The following BAZ1A variants were observed in gnomAD, a reference collection of about 807,000 sequenced individuals.
The protein encoded by BAZ1A is bromodomain adjacent to zinc finger domain 1A.
In BAZ1A, 50 loss-of-function variants were observed where a neutral mutation model predicts 185.2. The observed-to-expected ratio is 0.27, with a 90% CI of 0.22 to 0.34. The LOEUF (loss-of-function observed/expected upper bound fraction) is 0.34. Among genes scored for constraint, BAZ1A ranks in the 10% least tolerant of loss-of-function variants. The pLI is 1.00. For missense variants in BAZ1A, 1,356 were observed against 1,839.9 expected (o/e 0.74, Z 4.81); for synonymous variants, 571 against 615.6 (o/e 0.93, Z 1.07).
intron 21 of BAZ1A, among the ~76,000 whole-genome samples, chr14:34,766,483 G>A (rs1252061838): frequency 6.6e-6 from 1 of 151,974 alleles, no homozygotes; most frequent in African/African-American, 2.4e-5. Flanking sequence ...GAAACCTAGG[G>A]CCCATCAGGG....
chr14:34,794,952 T>A (rs1241538912), intron 10 of BAZ1A, 65 bp from the exon 11 acceptor site: 1 of 1,573,488 alleles, frequency 6.4e-7, no homozygotes, highest in East Asian at 2.2e-5. Flanking sequence ...AAGGCAGAGA[T>A]GACATACTTT....
chr14:34,806,779 C>T (rs1440781796), intron 6 of BAZ1A, among the ~76,000 whole-genome samples: 1 of 151,610 alleles, frequency 6.6e-6, no homozygotes, highest in Non-Finnish European at 1.5e-5. Context: ...GACAGGGTCT[C>T]ACTCTGTTGT....
chr14:34,871,633 G>C (rs1328182532), intron 2 of BAZ1A, among the ~76,000 whole-genome samples: 1 of 152,244 alleles, frequency 6.6e-6, no homozygotes, highest in Non-Finnish European at 1.5e-5. Context: ...AACACTTCGG[G>C]AGGCCGAGGC....
At chr14:34,770,248 G>C (rs1403077941) in intron 21 of BAZ1A, among the ~76,000 whole-genome samples, 2 of 152,178 alleles carry the variant, frequency 1.3e-5, no homozygotes, top group Admixed American at 6.5e-5. Flanking sequence ...CTGCCTCCCA[G>C]GTTCAAGCGA....
intron 17 of BAZ1A, among the ~76,000 whole-genome samples, chr14:34,778,436 T>C (rs551190787): frequency 6.6e-6 from 1 of 152,358 alleles, no homozygotes; most frequent in African/African-American, 2.4e-5. Flanking sequence ...TATTTTTTCG[T>C]TCTATTTCTT....
At chr14:34,854,366 G>C (rs367850682) in intron 3 of BAZ1A, among the ~76,000 whole-genome samples, 4 of 151,922 alleles carry the variant, frequency 2.6e-5, no homozygotes, top group Non-Finnish European at 5.9e-5. Context: ...AATCTGCAGT[G>C]AGCCGAGGTC....
At chr14:34,826,274 T>C in intron 3 of BAZ1A, 118 bp from the exon 4 acceptor site, 1 of 931,014 alleles carries the variant, frequency 1.1e-6, no homozygotes, top group Non-Finnish European at 1.5e-6. Flanking sequence ...TATAGCTGAT[T>C]GATTTAAACA....
chr14:34,862,721 C>T (rs1168577620), intron 2 of BAZ1A, among the ~76,000 whole-genome samples: 3 of 150,502 alleles, frequency 2.0e-5, no homozygotes, highest in African/African-American at 7.3e-5. Flanking sequence ...TAGAAAAATA[C>T]CTATTTTCAG....
chr14:34,840,392 T>A (rs923524597), intron 3 of BAZ1A, among the ~76,000 whole-genome samples: 1 of 152,172 alleles, frequency 6.6e-6, no homozygotes, highest in Non-Finnish European at 1.5e-5. Context: ...GTGATTTATG[T>A]ACATCAAAAT....
intron 21 of BAZ1A, among the ~76,000 whole-genome samples, chr14:34,767,724 A>T (rs1029665114): frequency 6.6e-6 from 1 of 152,178 alleles, no homozygotes; most frequent in Admixed American, 6.6e-5. Context: ...TAGTTCAAAG[A>T]TCATGATCCT....
rs372756364 is a variant in BAZ1A, at chr14:34,858,653, T to C, written c.392+3391A>G. Among the ~76,000 whole-genome samples, 8 of 152,038 alleles carry C rather than the reference T, an allele frequency of 5.3e-5. No individual in the cohort carries two copies. In the East Asian group the frequency reaches 1.4e-3, roughly 26 times the overall value. Reference sequence around the variant, plus strand: ...ATTTTTATCAAGAATGTTTTAAAAGTTGGGGCGAGGGTGGGGAGGCAAAAA... The same window carrying C: ...ATTTTTATCAAGAATGTTTTAAAAGCTGGGGCGAGGGTGGGGAGGCAAAAA... On this transcript the variant is annotated intron_variant, in intron 3 of 26. Coordinates refer to ENST00000360310, the MANE Select transcript of BAZ1A (RefSeq NM_013448.3).
rs1879603101 is a variant in BAZ1A, at chr14:34,776,334, A to C, written c.2418T>G (p.Gly806=). 8.7e-6 allele frequency: 14 copies of C among 1,614,136 alleles called. No individual in the cohort carries two copies. The highest frequency in any genetic ancestry group is 1.3e-5 in the African/African-American group (1 of 75,026). The change falls in exon 18 of 27, where the codon GGT becomes GGG. Residue 806 remains glycine, a synonymous_variant. Transcript: ENST00000360310. ...AGTATCGTCTATACATGCGGTCGCG[A>C]CCCAAGGGAAAGATATTGGTACAGG... ...AIACTNIFPL[G]RDRMYRRYWI...
intron 11 of BAZ1A, 51 bp from the exon 12 acceptor site, chr14:34,792,972 A>G (rs2138634965): frequency 1.3e-6 from 2 of 1,504,856 alleles, no homozygotes; most frequent in East Asian, 4.6e-5. Flanking sequence ...ATGTACTGAA[A>G]AAACAACTCC....
chr14:34,808,479 C>A (rs1029327899), intron 5 of BAZ1A, among the ~76,000 whole-genome samples: 2 of 151,950 alleles, frequency 1.3e-5, no homozygotes, highest in African/African-American at 4.8e-5. Flanking sequence ...GTCTCGGAGA[C>A]AGAGTGAGAC....
chr14:34,792,348 G>A (rs1287552107), intron 12 of BAZ1A, among the ~76,000 whole-genome samples: 2 of 151,326 alleles, frequency 1.3e-5, no homozygotes, highest in South Asian at 2.1e-4. Flanking sequence ...TCACGCCAAC[G>A]CACTCCAGCC....
Position 34,758,751 on chromosome 14 carries a change from G to A in BAZ1A, c.4339C>T (p.Arg1447Ter), listed in dbSNP as rs765397590. The change falls in exon 25 of 27, where the codon CGA (arginine) becomes TGA (stop). Residue 1447 changes from arginine (R) to a stop codon, truncating the protein, a stop_gained. Coordinates refer to ENST00000360310, the MANE Select transcript of BAZ1A (RefSeq NM_013448.3). LOFTEE classifies it high-confidence loss of function. ...AFEQLVVELV[R>*]HDDSWPFLKL... is the part of the protein sequence containing the mutation. ...AAAAAAGGCCAGCTGTCATCATGTCGTACCAATTCTACAACAAGTTGTTCA... is the reference window on the plus strand; with the variant it reads ...AAAAAAGGCCAGCTGTCATCATGTCATACCAATTCTACAACAAGTTGTTCA... 3 of 1,613,968 alleles carry A rather than the reference G, an allele frequency of 1.9e-6. No homozygotes were observed. Among genetic ancestry groups the A allele is most frequent in the Non-Finnish European group, 2.5e-6 (3 of 1,180,018 alleles).
intron 3 of BAZ1A, among the ~76,000 whole-genome samples, chr14:34,841,582 G>T (rs942644535): frequency 2.0e-5 from 3 of 152,104 alleles, no homozygotes; most frequent in Non-Finnish European, 4.4e-5. Flanking sequence ...TAGAGACAGG[G>T]TCTCACCATG....
rs957630144 is a variant in BAZ1A at position 34,874,709 on chromosome 14, C to T, written c.-58-47G>A. ...GAAAGCCGGTAAGGTGGGGAGCCCT[C>T]GGCGGCAGCGTGGGCCGGTCCGCGC... On this transcript the variant is annotated intron_variant, in intron 1 of 26. Coordinates refer to ENST00000360310, the MANE Select transcript of BAZ1A (RefSeq NM_013448.3). This position sits in a 1 kb window ranked among gnomAD's most constrained non-coding sequence, Gnocchi z 4.7. 1.5e-5 allele frequency: 14 copies of T among 950,436 alleles called. No individual in the cohort carries two copies. The African/African-American group carries it at 2.1e-4, about 14-fold the overall frequency. The allele number at this position is 950,436 out of a possible 1,614,324, so 58.9% of individuals were successfully genotyped here.
Position 34,783,766 on chromosome 14 carries a change from C to T in BAZ1A, c.1993G>A (p.Ala665Thr). The T allele has an allele frequency of 6.2e-7, 1 of 1,603,254 alleles. No individual in the cohort carries two copies. Among genetic ancestry groups the T allele is most frequent in the African/African-American group, 1.3e-5 (1 of 74,304 alleles). Residue 665 changes from alanine to threonine, a missense_variant, in exon 15 of 27, where the codon GCC becomes ACC. This residue lies in a region of BAZ1A where 434 missense variants were observed against 561.7 expected (regional missense o/e 0.77). Transcript: ENST00000360310. ...QHRKEREEAAARIRKRKEEKL... is the reference protein window; with the variant it reads ...QHRKEREEAATRIRKRKEEKL... ...ACTATTACAATTATCTCTTACCTGGCAGCTGCTTCTTCCCTCTCTTTTCGA... is the reference window on the plus strand; with the variant it reads ...ACTATTACAATTATCTCTTACCTGGTAGCTGCTTCTTCCCTCTCTTTTCGA...
Sources: gnomAD v4.1 joint callset for allele counts (sites outside exome capture counted in the v4.1 genomes callset) on GRCh38, gnomAD v4.1.1 for gene constraint, gnomAD v4.1.1 regional missense constraint, Gnocchi (gnomAD v3.1) non-coding constraint, MANE v1.5 for transcripts, NCBI Gene and HGNC (gene_info 2026-07-23, HGNC 2026-07-21) for gene names.